The following PTPRG variants were observed in gnomAD, a reference collection of about 807,000 sequenced individuals.
PTPRG encodes receptor-type tyrosine-protein phosphatase gamma.
A neutral mutation model predicts 165.3 loss-of-function variants in PTPRG; 102 were observed. The observed-to-expected ratio is 0.62, with a 90% CI of 0.53 to 0.73. The LOEUF is 0.73. PTPRG is among the 30% of genes least tolerant of loss of function. The pLI is 0.00. For missense variants in PTPRG, 1,866 were observed against 1,861.4 expected (o/e 1.00, Z -0.05); for synonymous variants, 675 against 669.5 (o/e 1.01, Z -0.13).
intron 4 of PTPRG, among the ~76,000 whole-genome samples, chr3:62,018,272 T>G (rs1205768115): frequency 6.6e-6 from 1 of 152,194 alleles, no homozygotes; most frequent in Non-Finnish European, 1.5e-5. Flanking sequence ...TTTCGTTCAT[T>G]CCTTATTACT....
intron 7 of PTPRG, among the ~76,000 whole-genome samples, chr3:62,160,183 A>G (rs771157365): frequency 1.3e-5 from 2 of 152,174 alleles, no homozygotes; most frequent in Non-Finnish European, 2.9e-5. Context: ...GAGCATATTC[A>G]CCATGAAATA....
At chr3:62,067,721 C>G (rs377492691) in intron 4 of PTPRG, among the ~76,000 whole-genome samples, 1 of 152,046 alleles carries the variant, frequency 6.6e-6, no homozygotes, top group African/African-American at 2.4e-5. Flanking sequence ...ATAGGGTTTA[C>G]GCTCCTGTGA....
At chr3:61,741,246 T>A (rs1331565463) in intron 1 of PTPRG, among the ~76,000 whole-genome samples, 3 of 152,206 alleles carry the variant, frequency 2.0e-5, no homozygotes, top group African/African-American at 7.2e-5. Flanking sequence ...ATAAACAACC[T>A]ACTTAACTGC....
intron 4 of PTPRG, among the ~76,000 whole-genome samples, chr3:62,037,693 T>C (rs763404341): frequency 6.6e-6 from 1 of 152,168 alleles, no homozygotes; most frequent in Non-Finnish European, 1.5e-5. Context: ...CAACATACTG[T>C]AGACTAGATG....
At chr3:62,112,761 T>A (rs1702717044) in intron 5 of PTPRG, among the ~76,000 whole-genome samples, 1 of 152,170 alleles carries the variant, frequency 6.6e-6, no homozygotes, top group Non-Finnish European at 1.5e-5. Flanking sequence ...CCTGGAAACA[T>A]TACCATCTCC....
intron 3 of PTPRG, among the ~76,000 whole-genome samples, chr3:61,993,461 C>T (rs555693181): frequency 3.7e-3 from 557 of 151,920 alleles, no homozygotes; most frequent in Middle Eastern, 0.01. Flanking sequence ...TCAGGTGATC[C>T]GCCCACTTCT....
At chr3:62,208,800 C>A (rs573055590) in intron 12 of PTPRG, among the ~76,000 whole-genome samples, 82 of 152,348 alleles carry the variant, frequency 5.4e-4, no homozygotes, top group Non-Finnish European at 1.1e-3. Flanking sequence ...GAAATAATAA[C>A]AGCGTCACCA....
At chr3:61,721,765 T>A (rs1559574349) in intron 1 of PTPRG, among the ~76,000 whole-genome samples, 1 of 152,072 alleles carries the variant, frequency 6.6e-6, no homozygotes, top group Non-Finnish European at 1.5e-5. Context: ...TCGGTTCAAG[T>A]AAGGGAAGAC....
intron 2 of PTPRG, among the ~76,000 whole-genome samples, chr3:61,869,634 A>G (rs1030453642): frequency 4.7e-5 from 7 of 149,322 alleles, no homozygotes; most frequent in African/African-American, 1.7e-4. Context: ...GCGGGAGTGC[A>G]GTGGTGCATT....
chr3:61,831,410 T>C lies in PTPRG; in HGVS notation c.190+82428T>C, dbSNP rs897318634. Among the ~76,000 whole-genome samples, 3 of 152,362 alleles carry C rather than the reference T, an allele frequency of 2.0e-5. No homozygotes were observed. The South Asian group carries it at 6.2e-4, about 32-fold the overall frequency. On this transcript the variant is annotated intron_variant, in intron 2 of 29. Transcript: ENST00000474889. ...TTGGGATAATTTTTACTTATAAATA[T>C]ACCACACACAGGAAGGACCTTTTGT...
intron 5 of PTPRG, among the ~76,000 whole-genome samples, chr3:62,099,229 A>G (rs1702209443): frequency 6.6e-6 from 1 of 152,236 alleles, no homozygotes; most frequent in Non-Finnish European, 1.5e-5. Flanking sequence ...CAGTAGTTGA[A>G]GATTCTCATA....
chr3:61,787,583 C>T (rs374070264), intron 2 of PTPRG, among the ~76,000 whole-genome samples: 2 of 152,180 alleles, frequency 1.3e-5, no homozygotes, highest in Non-Finnish European at 2.9e-5. Context: ...CACCATAGTC[C>T]GCTTTATTAG....
At chr3:61,989,504 T>A in intron 2 of PTPRG, 121 bp from the exon 3 acceptor site, 1 of 900,950 alleles carries the variant, frequency 1.1e-6, no homozygotes, top group Non-Finnish European at 1.7e-6. Context: ...TAGTTTTCAG[T>A]ACATTCACCT....
At chr3:61,726,939 C>T (rs929216564) in intron 1 of PTPRG, among the ~76,000 whole-genome samples, 3 of 151,324 alleles carry the variant, frequency 2.0e-5, no homozygotes, top group Middle Eastern at 3.5e-3. Context: ...CCCAGCTACT[C>T]GGGAGACTGA....
At chr3:62,265,368 A>G (rs1701830445) in intron 17 of PTPRG, among the ~76,000 whole-genome samples, 1 of 152,086 alleles carries the variant, frequency 6.6e-6, no homozygotes, top group Non-Finnish European at 1.5e-5. Flanking sequence ...TAAGTATTTT[A>G]TTCCATTTGA....
rs115225937 is a variant in PTPRG, at chr3:61,660,972, C to T, written c.86-87906C>T. Among the ~76,000 whole-genome samples the T allele has an allele frequency of 3.6e-3, 545 of 152,320 alleles. 3 individuals are homozygous for T. The highest frequency in any genetic ancestry group is 0.013 in the African/African-American group (520 of 41,568). ...AGCCCGGATTGTGCCACTTGCACTC[C>T]AGCCTGGGCCATAGAGTGAGACTCC... On this transcript the variant is annotated intron_variant, in intron 1 of 29. Coordinates refer to ENST00000474889, the MANE Select transcript of PTPRG (RefSeq NM_002841.4).
intron 1 of PTPRG, among the ~76,000 whole-genome samples, chr3:61,733,379 G>C (rs778652143): frequency 1.3e-5 from 2 of 152,064 alleles, no homozygotes; most frequent in South Asian, 4.1e-4. Flanking sequence ...TCATTTCTCT[G>C]TCATGTGCCA....
At chr3:61,570,706 A>G (rs1700035376) in intron 1 of PTPRG, among the ~76,000 whole-genome samples, 1 of 152,246 alleles carries the variant, frequency 6.6e-6, no homozygotes, top group African/African-American at 2.4e-5. Flanking sequence ...GCATAAAAGC[A>G]TAGTCCAGAT....
chr3:61,799,682 T>A (rs1439315892), intron 2 of PTPRG, among the ~76,000 whole-genome samples: 1 of 152,178 alleles, frequency 6.6e-6, no homozygotes, highest in Non-Finnish European at 1.5e-5. Flanking sequence ...TTCAACACAA[T>A]TTATGACCTT....
Sources: gnomAD v4.1 joint callset for allele counts (sites outside exome capture counted in the v4.1 genomes callset) on GRCh38, gnomAD v4.1.1 for gene constraint, MANE v1.5 for transcripts, NCBI Gene and HGNC (gene_info 2026-07-23, HGNC 2026-07-21) for gene names.